The following IL4I1 variants were observed in gnomAD, a reference collection of about 807,000 sequenced individuals.
IL4I1 encodes the protein interleukin 4 induced 1.
Under a neutral mutation model 29.7 loss-of-function variants are expected in IL4I1, and 24 were observed. The observed-to-expected ratio is 0.81, with a 90% CI of 0.59 to 1.14. The LOEUF (loss-of-function observed/expected upper bound fraction) is 1.14, where lower values mean the gene tolerates loss of function less well. IL4I1 is among the 50% of genes most tolerant of loss of function. The pLI, the probability that IL4I1 is intolerant of heterozygous loss-of-function variation, is 0.00. For missense variants in IL4I1, 686 were observed against 785.6 expected (o/e 0.87, Z 1.52); for synonymous variants, 371 against 352.5 (o/e 1.05, Z -0.59).
At chr19:49,892,810 G>T (rs1318099419) in intron 5 of IL4I1, among the ~76,000 whole-genome samples, 1 of 152,170 alleles carries the variant, frequency 6.6e-6, no homozygotes, top group Admixed American at 6.5e-5. Context: ...ACCTGGACAT[G>T]GCCCCCATCC....
intron 2 of IL4I1, among the ~76,000 whole-genome samples, chr19:49,905,874 A>C (rs2075315540): frequency 1.3e-5 from 2 of 152,160 alleles, no homozygotes; most frequent in South Asian, 4.1e-4. Flanking sequence ...AAGTGCTGGG[A>C]TTACAGGTGT....
chr19:49,900,094 C>T (rs2075258514), upstream of IL4I1, among the ~76,000 whole-genome samples: 1 of 152,218 alleles, frequency 6.6e-6, no homozygotes, highest in East Asian at 1.9e-4. Context: ...GCCTTGGCCT[C>T]CCAGAGTGCT....
rs1302439363 is a variant in IL4I1 at position 49,909,304 on chromosome 19, G to A, written c.-227-4983C>T. 6.8e-6 allele frequency: 11 copies of A among 1,614,094 alleles called. No individual in the cohort carries two copies. In the Middle Eastern group the frequency reaches 1.2e-3, roughly 169 times the overall value. On this transcript the variant is annotated intron_variant, in intron 2 of 9. Transcript: ENST00000341114. ...CTGCTGAGCCAATGTTGAAACCGGA[G>A]GGTTGGGCCGTGCTTCCACCAGTGA...
intron 2 of IL4I1, chr19:49,909,267 G>C: frequency 6.2e-7 from 1 of 1,614,122 alleles, no homozygotes; most frequent in Non-Finnish European, 8.5e-7. Flanking sequence ...GCCGTGGGCT[G>C]GGCTGAATTC....
chr19:49,926,377 A>C (rs1323186851), intron 2 of IL4I1, among the ~76,000 whole-genome samples: 1 of 152,048 alleles, frequency 6.6e-6, no homozygotes, highest in Non-Finnish European at 1.5e-5. Flanking sequence ...TAAAAATACA[A>C]AAATTAGCCA....
In IL4I1 at chr19:49,889,667, A is replaced by T; in HGVS notation, c.*3T>A. The stretch of plus-strand genomic sequence containing the variant: ...GGACCACACGGCTTTTTCCGAAAAT[A>T]CTTTAATGCGAGGTCCTCGTGTGGG... On this transcript the variant is annotated 3_prime_UTR_variant, in exon 8 of 8. Transcript: ENST00000391826. The T allele has an allele frequency of 6.8e-7, 1 of 1,478,814 alleles. No homozygotes were observed. Among genetic ancestry groups the T allele is most frequent in the South Asian group, 1.5e-5 (1 of 66,666 alleles). The allele number at this position is 1,478,814 out of a possible 1,614,324, so 91.6% of individuals were successfully genotyped here.
chr19:49,916,985 C>A (rs547335170), intron 2 of IL4I1, among the ~76,000 whole-genome samples: 1 of 152,386 alleles, frequency 6.6e-6, no homozygotes, highest in South Asian at 2.1e-4. Context: ...TGACAGCCAC[C>A]TGGTGGCACT....
intron 2 of IL4I1, among the ~76,000 whole-genome samples, chr19:49,913,329 T>A (rs1389545758): frequency 6.6e-6 from 1 of 152,102 alleles, no homozygotes; most frequent in African/African-American, 2.4e-5. Flanking sequence ...TCCAGGAGAA[T>A]CTCTATGTTC....
upstream of IL4I1, among the ~76,000 whole-genome samples, chr19:49,899,047 C>T (rs1480791903): frequency 6.6e-6 from 1 of 152,252 alleles, no homozygotes; most frequent in Non-Finnish European, 1.5e-5. Context: ...AGTATGAACG[C>T]GGCGGGATTG....
chr19:49,907,103 G>A (rs2075338018), intron 2 of IL4I1: 1 of 157,634 alleles, frequency 6.3e-6, no homozygotes, highest in African/African-American at 2.4e-5. Flanking sequence ...ATGTGACAGG[G>A]ACCGGGCTGG....
chr19:49,926,134 G>A (rs1405560023), intron 2 of IL4I1, among the ~76,000 whole-genome samples: 2 of 151,402 alleles, frequency 1.3e-5, no homozygotes, highest in Non-Finnish European at 2.9e-5. Context: ...GCTTGAACCT[G>A]GGAGGCGGTG....
At chr19:49,915,151 T>A (rs1164460441) in intron 2 of IL4I1, among the ~76,000 whole-genome samples, 1 of 152,128 alleles carries the variant, frequency 6.6e-6, no homozygotes, top group Non-Finnish European at 1.5e-5. Context: ...ATGTGTGCTA[T>A]GTGTGTGGGG....
chr19:49,909,802 G>A (rs200857005), intron 2 of IL4I1: 33 of 1,613,992 alleles, frequency 2.0e-5, no homozygotes, highest in Middle Eastern at 1.7e-4. Context: ...AATTAAACCC[G>A]CTCATGGCTC....
Position 49,919,624 on chromosome 19 carries a change from A to G in IL4I1, c.-228+8070T>C, listed in dbSNP as rs920511224. 3.3e-5 allele frequency among the ~76,000 whole-genome samples: 5 copies of G among 152,168 alleles called. No individual in the cohort carries two copies. In the East Asian group the frequency reaches 9.6e-4, roughly 29 times the overall value. On this transcript the variant is annotated intron_variant, in intron 2 of 9. Transcript: ENST00000341114. ...CCCTGAAGTCACCTGACGGCTAATTAGCAGCTACTTTCTCCTTCCCACTCC... is the reference window on the plus strand; with the variant it reads ...CCCTGAAGTCACCTGACGGCTAATTGGCAGCTACTTTCTCCTTCCCACTCC...
chr19:49,891,523 T>C (rs1273729181), intron 5 of IL4I1, 50 bp from the exon 6 acceptor site: 1 of 1,534,914 alleles, frequency 6.5e-7, no homozygotes, highest in East Asian at 2.2e-5. Flanking sequence ...GCAGCCAGGG[T>C]GGAGGCCGGG....
In IL4I1 at chr19:49,894,451, G is replaced by T. The variant is rs762766465; in HGVS notation, c.384C>A (p.Cys128Ter). ...TGGTCAGGTTGAGCCCCAGGCCCTG[G>T]CAGAGCTTGTGGAGGATCCTGATCA... ...PSSHRILHKL[C>*]QGLGLNLTKF... is the part of the protein sequence containing the mutation. Residue 128 changes from cysteine (C) to a stop codon, truncating the protein, a stop_gained, in exon 5 of 8, where the codon TGC (cysteine) becomes TGA (stop). Transcript: ENST00000391826. LOFTEE classifies it high-confidence loss of function. 1.2e-6 allele frequency: 2 copies of T among 1,614,148 alleles called. No individual in the cohort carries two copies. Among genetic ancestry groups the T allele is most frequent in the East Asian group, 4.5e-5 (2 of 44,882 alleles).
rs139062520 is a variant in IL4I1, at chr19:49,895,896, C to G, written c.171G>C (p.Leu57=). The change falls in exon 3 of 8, where the codon CTG becomes CTC. Residue 57 remains leucine, a synonymous_variant. Coordinates refer to ENST00000391826, the MANE Select transcript of IL4I1 (RefSeq NM_152899.2). ...KVVTWGLNRT[L]KPQRVIVVGA... is the part of the protein sequence containing the mutation. ...CAACCACAATCACCCTCTGGGGCTTCAGGGTCCGATTGAGCCCCCAGGTCA... is the reference window on the plus strand; with the variant it reads ...CAACCACAATCACCCTCTGGGGCTTGAGGGTCCGATTGAGCCCCCAGGTCA... 9.8e-5 allele frequency: 158 copies of G among 1,614,226 alleles called. No individual in the cohort carries two copies. The highest frequency in any genetic ancestry group is 3.3e-4 in the Middle Eastern group (2 of 6,062).
upstream of IL4I1, among the ~76,000 whole-genome samples, chr19:49,898,059 G>A (rs375762721): frequency 8.9e-4 from 135 of 152,370 alleles, 1 homozygote; most frequent in Non-Finnish European, 1.0e-3. Context: ...GGTGGCTCAC[G>A]CCTATAATCC....
upstream of IL4I1, among the ~76,000 whole-genome samples, chr19:49,900,784 C>G (rs1291845071): frequency 6.6e-6 from 1 of 152,132 alleles, no homozygotes; most frequent in African/African-American, 2.4e-5. Flanking sequence ...TGGGGGTATT[C>G]TGGTTTTTTG....
Sources: allele counts gnomAD v4.1 joint callset (sites outside exome capture counted in the v4.1 genomes callset), GRCh38; gene constraint gnomAD v4.1.1; transcripts MANE v1.5; gene names NCBI Gene and HGNC (gene_info 2026-07-23, HGNC 2026-07-21).